OXR1: variants seen among roughly 807,000 people sequenced by gnomAD.
OXR1 encodes the protein oxidation resistance 1, also known as oxidation resistance protein 1.
A neutral mutation model predicts 104.6 loss-of-function variants in OXR1; 41 were observed. The observed-to-expected ratio is 0.39, with a 90% CI of 0.31 to 0.51. The LOEUF (loss-of-function observed/expected upper bound fraction) is 0.51. OXR1 is among the 20% of genes least tolerant of loss of function. OXR1 has a pLI of 0.77. For missense variants in OXR1, 955 were observed against 1,031.9 expected, an observed-to-expected ratio of 0.93 and a Z score of 1.02; for synonymous variants, 348 against 348.4, an observed-to-expected ratio of 1.00 and a Z score of 0.01.
At chr8:106,624,905 C>T (rs1822021216) in intron 3 of OXR1, among the ~76,000 whole-genome samples, 1 of 152,090 alleles carries the variant, frequency 6.6e-6, no homozygotes, top group Non-Finnish European at 1.5e-5. Context: ...GATCCTCCCA[C>T]CTCAACACAC....
intron 2 of OXR1, among the ~76,000 whole-genome samples, chr8:106,365,520 A>G (rs1816434973): frequency 6.6e-6 from 1 of 152,168 alleles, no homozygotes; most frequent in South Asian, 2.1e-4. Context: ...TTTAAGGTAA[A>G]GTATCATTAT....
At chr8:106,708,233 A>C (rs891528863) in intron 9 of OXR1, among the ~76,000 whole-genome samples, 1 of 151,982 alleles carries the variant, frequency 6.6e-6, no homozygotes, top group African/African-American at 2.4e-5. Flanking sequence ...TTCTACAAAA[A>C]AAAATTACAA....
chr8:106,663,679 C>T (rs868121383), intron 3 of OXR1, among the ~76,000 whole-genome samples: 9 of 152,324 alleles, frequency 5.9e-5, no homozygotes, highest in South Asian at 2.1e-4. Flanking sequence ...TGCCTGAGCT[C>T]TGCCTCCTGT....
chr8:106,544,433 T>G (rs1462391359), intron 3 of OXR1, among the ~76,000 whole-genome samples: 2 of 152,204 alleles, frequency 1.3e-5, no homozygotes, highest in African/African-American at 4.8e-5. Context: ...TATCTTGCTT[T>G]AGAAGCTAAA....
intron 1 of OXR1, among the ~76,000 whole-genome samples, chr8:106,326,419 C>T (rs1814470553): frequency 6.6e-6 from 1 of 152,188 alleles, no homozygotes; most frequent in Admixed American, 6.5e-5. Flanking sequence ...AAAAGTGACT[C>T]TTGTTTTCCA....
At chr8:106,534,844 A>G (rs908907081) in intron 3 of OXR1, among the ~76,000 whole-genome samples, 3 of 152,288 alleles carry the variant, frequency 2.0e-5, no homozygotes, top group African/African-American at 7.2e-5. Flanking sequence ...GAAAGAGGTT[A>G]ATAGGGGGAA....
chr8:106,552,748 T>C (rs550433692), intron 3 of OXR1, among the ~76,000 whole-genome samples: 1 of 152,224 alleles, frequency 6.6e-6, no homozygotes, highest in African/African-American at 2.4e-5. Flanking sequence ...CTGAAGACTA[T>C]ATTTATCCTT....
At chr8:106,566,940 G>C (rs887304586) in intron 3 of OXR1, among the ~76,000 whole-genome samples, 2 of 152,014 alleles carry the variant, frequency 1.3e-5, no homozygotes, top group African/African-American at 2.4e-5. Context: ...ACAGGGAGAG[G>C]AACATTACAC....
At chr8:106,606,640 G>A (rs1217426274) in intron 3 of OXR1, among the ~76,000 whole-genome samples, 1 of 151,846 alleles carries the variant, frequency 6.6e-6, no homozygotes, top group Non-Finnish European at 1.5e-5. Context: ...TCATATGATA[G>A]CTCTTGCTTC....
At chr8:106,410,336 T>C (rs1818410946) in intron 2 of OXR1, among the ~76,000 whole-genome samples, 1 of 152,198 alleles carries the variant, frequency 6.6e-6, no homozygotes. Flanking sequence ...AACACTCCTG[T>C]AACTTACTTG....
chr8:106,725,738 T>C (rs534291626), intron 11 of OXR1, among the ~76,000 whole-genome samples: 79 of 152,300 alleles, frequency 5.2e-4, no homozygotes, highest in Non-Finnish European at 9.7e-4. Context: ...TCTTATTGCT[T>C]AAAAAATGTT....
At chr8:106,565,561 T>A (rs1482197976) in intron 3 of OXR1, among the ~76,000 whole-genome samples, 1 of 152,190 alleles carries the variant, frequency 6.6e-6, no homozygotes, top group Non-Finnish European at 1.5e-5. Context: ...CCCAAAGTGA[T>A]TTATAGATTC....
intron 1 of OXR1, among the ~76,000 whole-genome samples, chr8:106,334,396 A>G (rs574168266): frequency 9.2e-5 from 14 of 152,142 alleles, no homozygotes; most frequent in African/African-American, 3.4e-4. Context: ...AAGTATTTTT[A>G]CTTTTTCCTC....
At chr8:106,737,697 G>T in intron 12 of OXR1, 97 bp downstream of exon 12, 2 of 432,730 alleles carry the variant, frequency 4.6e-6, no homozygotes, top group South Asian at 2.0e-4. Flanking sequence ...AATTTGCTTT[G>T]ACTGCAGCAC....
At chr8:106,480,745 A>G (rs1257132503) in intron 2 of OXR1, among the ~76,000 whole-genome samples, 3 of 152,002 alleles carry the variant, frequency 2.0e-5, no homozygotes, top group Non-Finnish European at 2.9e-5. Flanking sequence ...ATACAGTCAC[A>G]TAAGATTTCT....
intron 3 of OXR1, among the ~76,000 whole-genome samples, chr8:106,646,444 T>C (rs533680179): frequency 6.6e-6 from 1 of 152,206 alleles, no homozygotes; most frequent in Non-Finnish European, 1.5e-5. Flanking sequence ...AGGGAAATTA[T>C]CCAAAAAATT....
intron 3 of OXR1, among the ~76,000 whole-genome samples, chr8:106,574,884 A>T (rs907118225): frequency 6.6e-6 from 1 of 152,258 alleles, no homozygotes; most frequent in African/African-American, 2.4e-5. Flanking sequence ...TTTGGGAAAT[A>T]CTAAAAATAA....
rs1019627755 is a variant in OXR1 at position 106,547,641 on chromosome 8, C to A, written c.220+28502C>A. On this transcript the variant is annotated intron_variant, in intron 3 of 16. Coordinates refer to ENST00000517566, the MANE Select transcript of OXR1 (RefSeq NM_001198533.2). The stretch of plus-strand genomic sequence containing the variant: ...CCAAACAGCTGGGATAACAGGTGCA[C>A]ATGACCATGCCCAGCTAATTTTTGT... 5.3e-5 allele frequency among the ~76,000 whole-genome samples: 8 copies of A among 151,992 alleles called. 1 individual carries two copies. In the East Asian group the frequency reaches 5.8e-4, roughly 11 times the overall value.
At chr8:106,315,061 G>A (rs956657347) in intron 1 of OXR1, among the ~76,000 whole-genome samples, 2 of 151,552 alleles carry the variant, frequency 1.3e-5, no homozygotes, top group African/African-American at 2.4e-5. Flanking sequence ...TAAACTTGTC[G>A]AGTGGGCGTT....
Sources: gnomAD v4.1 joint callset for allele counts (sites outside exome capture counted in the v4.1 genomes callset) on GRCh38, gnomAD v4.1.1 for gene constraint, MANE v1.5 for transcripts, NCBI Gene and HGNC (gene_info 2026-07-23, HGNC 2026-07-21) for gene names.